Variants in ROBO2 observed in about 807,000 individuals in gnomAD.
ROBO2 encodes the protein roundabout guidance receptor 2.
Under a neutral mutation model 160.8 loss-of-function variants are expected in ROBO2, and 53 were observed. The ratio of observed to expected loss-of-function variants is 0.33; its 90% CI spans 0.26 to 0.41. The LOEUF is 0.41. Among genes scored for constraint, ROBO2 ranks in the 10% least tolerant of loss-of-function variants. The pLI is 1.00. For synonymous variants in ROBO2, 664 were observed against 611.7 expected (o/e 1.09, Z -1.26); for missense variants, 1,577 against 1,722.4 (o/e 0.92, Z 1.49).
intron 2 of ROBO2, among the ~76,000 whole-genome samples, chr3:77,474,651 G>C (rs979168987): frequency 8.4e-6 from 1 of 118,500 alleles, no homozygotes. Context: ...GAGGATTTAG[G>C]GGGAATACAC....
Position 76,734,561 on chromosome 3 carries a change from C to T in ROBO2, c.110-363453C>T, listed in dbSNP as rs577433269. 3.3e-5 allele frequency among the ~76,000 whole-genome samples: 5 copies of T among 152,254 alleles called. No individual in the cohort carries two copies. In the South Asian group the frequency reaches 8.3e-4, roughly 25 times the overall value. ...GACTTTCAGCAAATTGATTTTTCTT[C>T]TATGTTTTCTTCTGGCTCTTAACCT... On this transcript the variant is annotated intron_variant, in intron 2 of 26. Transcript: ENST00000487694.
At chr3:77,282,085 A>G (rs1393713319) in intron 2 of ROBO2, among the ~76,000 whole-genome samples, 1 of 152,150 alleles carries the variant, frequency 6.6e-6, no homozygotes, top group Admixed American at 6.5e-5. Context: ...TTAATACTGT[A>G]TTGCTTAGGG....
chr3:77,140,237 T>G (rs1195900312), intron 2 of ROBO2, among the ~76,000 whole-genome samples: 1 of 152,096 alleles, frequency 6.6e-6, no homozygotes, highest in Non-Finnish European at 1.5e-5. Context: ...CTAGCTGAGT[T>G]TTTTAGATTA....
intron 21 of ROBO2, 136 bp downstream of exon 22, chr3:77,608,090 T>C: frequency 2.6e-6 from 2 of 780,834 alleles, no homozygotes; most frequent in South Asian, 3.1e-5. Context: ...TCCCCCTCTT[T>C]CATTGTTTGC....
At chr3:77,192,994 T>C (rs2081998511) in intron 2 of ROBO2, among the ~76,000 whole-genome samples, 1 of 151,954 alleles carries the variant, frequency 6.6e-6, no homozygotes, top group Non-Finnish European at 1.5e-5. Context: ...TTACAAATAT[T>C]ATAATATGTT....
intron 2 of ROBO2, among the ~76,000 whole-genome samples, chr3:76,986,882 G>A (rs879830296): frequency 3.4e-5 from 5 of 145,928 alleles, no homozygotes; most frequent in Non-Finnish European, 7.7e-5. Context: ...TAAACCCCTA[G>A]GCTGAGACAA....
intron 6 of ROBO2, among the ~76,000 whole-genome samples, chr3:77,524,339 A>G (rs1437978869): frequency 6.6e-6 from 1 of 151,320 alleles, no homozygotes; most frequent in East Asian, 2.0e-4. Context: ...TTGTAAGCCA[A>G]TGAACACACT....
At chr3:76,212,122 GGTGA>G (rs1253183763) in intron 2 of ROBO2, among the ~76,000 whole-genome samples, 1 of 151,706 alleles carries the variant, frequency 6.6e-6, no homozygotes, top group African/African-American at 2.4e-5. Flanking sequence ...TCTTTAAGTA[GGTGA>G]ACCAGCTAAC....
At chr3:76,192,004 T>C (rs1257359104) in intron 2 of ROBO2, among the ~76,000 whole-genome samples, 1 of 152,120 alleles carries the variant, frequency 6.6e-6, no homozygotes, top group African/African-American at 2.4e-5. Context: ...TATTGGACTA[T>C]AGATTGCAAT....
At chr3:77,293,958 G>A (rs1187553319) in intron 2 of ROBO2, among the ~76,000 whole-genome samples, 2 of 144,138 alleles carry the variant, frequency 1.4e-5, no homozygotes, top group East Asian at 2.0e-4. Flanking sequence ...GGTAAGCTGA[G>A]GCTAGATCAC....
intron 2 of ROBO2, among the ~76,000 whole-genome samples, chr3:76,029,902 A>C (rs2066863127): frequency 6.6e-6 from 1 of 152,138 alleles, no homozygotes; most frequent in Non-Finnish European, 1.5e-5. Flanking sequence ...TGCTGGGTCA[A>C]ATGGTATTTC....
chr3:76,884,286 A>AT (rs929520611), intron 2 of ROBO2, among the ~76,000 whole-genome samples: 1 of 152,230 alleles, frequency 6.6e-6, no homozygotes, highest in African/African-American at 2.4e-5. Context: ...AATTGTTAAT[A>AT]TTTTATGTGG....
At chr3:77,074,722 T>C (rs144115281) in intron 1 of ROBO2, among the ~76,000 whole-genome samples, 196 of 150,148 alleles carry the variant, frequency 1.3e-3, no homozygotes, top group African/African-American at 4.8e-3. Context: ...AAATATTCAG[T>C]ATAAATGAAT....
chr3:75,980,239 G>A (rs182245405), intron 2 of ROBO2, among the ~76,000 whole-genome samples: 30 of 151,672 alleles, frequency 2.0e-4, no homozygotes, highest in Non-Finnish European at 3.4e-4. Flanking sequence ...TTTAGAGTAT[G>A]TGGAACATGA....
chr3:77,018,114 T>C (rs1008594544), intron 2 of ROBO2, among the ~76,000 whole-genome samples: 7 of 152,180 alleles, frequency 4.6e-5, no homozygotes, highest in African/African-American at 1.4e-4. Context: ...TATTTATATA[T>C]ACATTTGAGA....
chr3:77,420,505 C>T (rs879441712), intron 2 of ROBO2, among the ~76,000 whole-genome samples: 4 of 152,094 alleles, frequency 2.6e-5, no homozygotes, highest in Non-Finnish European at 5.9e-5. Context: ...GGAGTGGTTG[C>T]TCTCTTTACT....
chr3:76,349,445 A>G (rs904409589), intron 2 of ROBO2, among the ~76,000 whole-genome samples: 11 of 152,090 alleles, frequency 7.2e-5, no homozygotes, highest in African/African-American at 2.7e-4. Context: ...CATTACCCCC[A>G]TCTTACTGAC....
intron 2 of ROBO2, among the ~76,000 whole-genome samples, chr3:76,664,512 G>C (rs906235799): frequency 2.6e-5 from 4 of 152,162 alleles, no homozygotes; most frequent in Admixed American, 1.3e-4. Flanking sequence ...GAGGGCTTTG[G>C]AAGTTGAGTA....
chr3:76,424,953 G>A (rs1420755043), intron 2 of ROBO2, among the ~76,000 whole-genome samples: 2 of 152,066 alleles, frequency 1.3e-5, no homozygotes, highest in African/African-American at 2.4e-5. Context: ...ACCCTTTTTG[G>A]AAATCTCATC....
Sources: allele counts gnomAD v4.1 joint callset (sites outside exome capture counted in the v4.1 genomes callset), GRCh38; gene constraint gnomAD v4.1.1; transcripts MANE v1.5; gene names NCBI Gene and HGNC (gene_info 2026-07-23, HGNC 2026-07-21).